LRP1B: variants seen among roughly 807,000 people sequenced by gnomAD.
The protein encoded by LRP1B is low-density lipoprotein receptor-related protein 1B.
LRP1B carries 217 observed loss-of-function variants against 556.6 expected under a neutral mutation model. The observed-to-expected ratio is 0.39, with a 90% CI of 0.35 to 0.44. The LOEUF is 0.44. Among genes scored for constraint, LRP1B ranks in the 20% least tolerant of loss-of-function variants. LRP1B has a pLI of 1.00. For missense variants in LRP1B, 5,053 were observed against 5,620.8 expected (o/e 0.90, Z 3.23); for synonymous variants, 2,047 against 1,865.8 (o/e 1.10, Z -2.50).
At chr2:141,924,859 G>C (rs1382864024) in intron 1 of LRP1B, among the ~76,000 whole-genome samples, 3 of 152,202 alleles carry the variant, frequency 2.0e-5, no homozygotes, top group African/African-American at 7.2e-5. Context: ...GCAGTGGGTG[G>C]AAGTGGGGGA....
intron 1 of LRP1B, among the ~76,000 whole-genome samples, chr2:141,870,977 C>G (rs572609269): frequency 6.6e-6 from 1 of 151,992 alleles, no homozygotes; most frequent in South Asian, 2.1e-4. Flanking sequence ...TTTCTAAAAC[C>G]CTCACAAAAC....
intron 37 of LRP1B, among the ~76,000 whole-genome samples, chr2:140,712,489 C>T (rs1236738799): frequency 1.3e-5 from 2 of 151,848 alleles, no homozygotes; most frequent in Admixed American, 6.6e-5. Flanking sequence ...GTCAAGGCTC[C>T]TCCTATGCTC....
At chr2:140,321,863 A>G in intron 82 of LRP1B, 100 bp downstream of exon 82, 1 of 1,211,400 alleles carries the variant, frequency 8.3e-7, no homozygotes, top group East Asian at 2.4e-5. Flanking sequence ...CAAGGTAGCT[A>G]AACTGATGAT....
At chr2:140,467,143 A>C (rs1280498230) in intron 60 of LRP1B, among the ~76,000 whole-genome samples, 1 of 152,116 alleles carries the variant, frequency 6.6e-6, no homozygotes, top group African/African-American at 2.4e-5. Context: ...AAATGCATAA[A>C]ATCAATAAAA....
chr2:141,250,473 A>T (rs1684219782), intron 4 of LRP1B, among the ~76,000 whole-genome samples: 1 of 152,140 alleles, frequency 6.6e-6, no homozygotes, highest in Admixed American at 6.5e-5. Flanking sequence ...GTGCCTAGAG[A>T]GGGCATAGAA....
intron 7 of LRP1B, among the ~76,000 whole-genome samples, chr2:141,131,761 T>C (rs1235427262): frequency 6.6e-6 from 1 of 151,964 alleles, no homozygotes; most frequent in Non-Finnish European, 1.5e-5. Flanking sequence ...ATCAAATCAG[T>C]TTAAAAAGTC....
chr2:140,949,155 T>A (rs1285436389), intron 20 of LRP1B, among the ~76,000 whole-genome samples: 3 of 152,238 alleles, frequency 2.0e-5, no homozygotes, highest in African/African-American at 7.2e-5. Context: ...TTGTTTACGC[T>A]GATATTTAAA....
chr2:141,748,937 T>C (rs535114566), intron 2 of LRP1B, among the ~76,000 whole-genome samples: 1 of 152,298 alleles, frequency 6.6e-6, no homozygotes, highest in African/African-American at 2.4e-5. Flanking sequence ...TATACTCTTC[T>C]AGAAAGAAGG....
chr2:141,805,293 CTG>C (rs1408291875), intron 2 of LRP1B: 1 of 152,092 alleles, frequency 6.6e-6, no homozygotes, highest in Non-Finnish European at 1.5e-5. Flanking sequence ...TAGAAGAAGC[CTG>C]TTGTCATTCT....
intron 41 of LRP1B, among the ~76,000 whole-genome samples, chr2:140,657,865 AC>A (rs978141670): frequency 1.4e-4 from 22 of 152,036 alleles, no homozygotes; most frequent in African/African-American, 5.3e-4. Flanking sequence ...TTTCGAAGTA[AC>A]CCGATGGTAC....
At chr2:141,747,951 C>G (rs781268954) in intron 2 of LRP1B, among the ~76,000 whole-genome samples, 2 of 152,084 alleles carry the variant, frequency 1.3e-5, no homozygotes, top group Non-Finnish European at 2.9e-5. Flanking sequence ...AGATTAATGA[C>G]TCTGAGAATT....
chr2:141,050,463 G>C (rs1699003964), intron 10 of LRP1B, among the ~76,000 whole-genome samples: 1 of 151,898 alleles, frequency 6.6e-6, no homozygotes, highest in African/African-American at 2.4e-5. Flanking sequence ...AGCCCCACAT[G>C]CATTTGGTAT....
intron 29 of LRP1B, among the ~76,000 whole-genome samples, chr2:140,849,529 A>T (rs940279806): frequency 6.6e-6 from 1 of 151,480 alleles, no homozygotes. Flanking sequence ...AGACATGTAA[A>T]TTTTTTTTTA....
chr2:140,600,333 C>T (rs1477602981), intron 42 of LRP1B, among the ~76,000 whole-genome samples: 3 of 152,068 alleles, frequency 2.0e-5, no homozygotes, highest in Admixed American at 2.0e-4. Flanking sequence ...TGGGAGCAGT[C>T]TCCCAAGCTC....
At chr2:141,693,453 A>G (rs1319822564) in intron 2 of LRP1B, among the ~76,000 whole-genome samples, 1 of 152,106 alleles carries the variant, frequency 6.6e-6, no homozygotes, top group Non-Finnish European at 1.5e-5. Context: ...TAAAATCTAA[A>G]AATATTTTAG....
intron 3 of LRP1B, among the ~76,000 whole-genome samples, chr2:141,368,845 G>C (rs1231518155): frequency 6.6e-6 from 1 of 152,016 alleles, no homozygotes; most frequent in African/African-American, 2.4e-5. Context: ...TAACACACAG[G>C]TGCATAGTAT....
At chr2:141,394,734 TA>T (rs902244284) in intron 3 of LRP1B, among the ~76,000 whole-genome samples, 46 of 151,650 alleles carry the variant, frequency 3.0e-4, no homozygotes, top group South Asian at 2.1e-4. Context: ...ACTTTAAAAA[TA>T]AAAAAAAATT....
chr2:141,665,063 C>A (rs1218229745), intron 2 of LRP1B, among the ~76,000 whole-genome samples: 7 of 152,188 alleles, frequency 4.6e-5, no homozygotes, highest in East Asian at 3.9e-4. Flanking sequence ...ACATCTACAA[C>A]CATCTAATCT....
chr2:141,716,868 A>G (rs1046327423), intron 2 of LRP1B, among the ~76,000 whole-genome samples: 3 of 152,284 alleles, frequency 2.0e-5, no homozygotes, highest in African/African-American at 7.2e-5. Context: ...TGAGCTCCTT[A>G]GCAAAATAAA....
Sources: allele counts gnomAD v4.1 joint callset (sites outside exome capture counted in the v4.1 genomes callset), GRCh38; gene constraint gnomAD v4.1.1; transcripts MANE v1.5; gene names NCBI Gene and HGNC (gene_info 2026-07-23, HGNC 2026-07-21).